Variants in GRM5 observed in about 807,000 individuals in gnomAD.
GRM5 encodes glutamate metabotropic receptor 5, also known as metabotropic glutamate receptor 5.
Under a neutral mutation model 83.1 loss-of-function variants are expected in GRM5, and 19 were observed. The ratio of observed to expected loss-of-function variants is 0.23; its 90% confidence interval spans 0.16 to 0.34. The LOEUF (loss-of-function observed/expected upper bound fraction) is 0.34, where lower values mean the gene tolerates loss of function less well. Among genes scored for constraint, GRM5 ranks in the 10% least tolerant of loss-of-function variants. The pLI, the probability that GRM5 is intolerant of heterozygous loss-of-function variation, is 1.00. For synonymous variants in GRM5, 675 were observed against 633.6 expected, an observed-to-expected ratio of 1.07 and a Z score of -0.98; for missense variants, 1,160 against 1,588.3, an observed-to-expected ratio of 0.73 and a Z score of 4.58.
chr11:88,548,744 A>G (rs1942435964), intron 8 of GRM5, among the ~76,000 whole-genome samples: 1 of 152,228 alleles, frequency 6.6e-6, no homozygotes, highest in African/African-American at 2.4e-5. Flanking sequence ...ATTACTAGGC[A>G]CTAGTGGAGC....
chr11:88,907,039 G>A (rs1428275621), intron 2 of GRM5, among the ~76,000 whole-genome samples: 1 of 151,790 alleles, frequency 6.6e-6, no homozygotes, highest in Non-Finnish European at 1.5e-5. Flanking sequence ...AACAGGGAAA[G>A]AATCCTGGCC....
chr11:88,750,697 AT>A (rs1366111469), intron 3 of GRM5, among the ~76,000 whole-genome samples: 1 of 152,152 alleles, frequency 6.6e-6, no homozygotes, highest in Non-Finnish European at 1.5e-5. Context: ...TCCTCAGTGA[AT>A]GCAAAAGAAC....
intron 1 of GRM5, among the ~76,000 whole-genome samples, chr11:89,054,071 G>A (rs967803727): frequency 1.3e-5 from 2 of 152,108 alleles, no homozygotes; most frequent in African/African-American, 4.8e-5. Context: ...TTCCAACAGC[G>A]GAGGAACACA....
chr11:89,000,516 AAAG>A (rs1482346412), intron 2 of GRM5, among the ~76,000 whole-genome samples: 5 of 152,180 alleles, frequency 3.3e-5, no homozygotes, highest in Non-Finnish European at 7.4e-5. Context: ...GGCAAAGAAA[AAAG>A]AAACGAATCT....
At chr11:88,871,242 T>C (rs182902667) in intron 2 of GRM5, among the ~76,000 whole-genome samples, 284 of 151,628 alleles carry the variant, frequency 1.9e-3, no homozygotes, top group Admixed American at 3.0e-3. Context: ...GCAGAGAGAT[T>C]AAACAACTTA....
chr11:88,653,534 C>T (rs533536519), intron 3 of GRM5, 131 bp from the exon 4 acceptor site: 27 of 591,484 alleles, frequency 4.6e-5, no homozygotes, highest in African/African-American at 3.7e-4. Context: ...TATATTACAC[C>T]GACATGATTA....
chr11:88,664,790 G>T (rs1482736439), intron 3 of GRM5, among the ~76,000 whole-genome samples: 3 of 151,674 alleles, frequency 2.0e-5, no homozygotes, highest in African/African-American at 7.3e-5. Flanking sequence ...AGTAATTTAG[G>T]GATTATTTAA....
chr11:88,808,661 G>A (rs1943539129), intron 3 of GRM5, among the ~76,000 whole-genome samples: 1 of 151,978 alleles, frequency 6.6e-6, no homozygotes, highest in Middle Eastern at 3.4e-3. Flanking sequence ...TGTTATATTG[G>A]AATGTAAAAT....
chr11:88,985,958 T>G, intron 2 of GRM5, among the ~76,000 whole-genome samples: 1 of 152,186 alleles, frequency 6.6e-6, no homozygotes, highest in East Asian at 1.9e-4. Flanking sequence ...TGGCAGTTTC[T>G]TAACAATAAT....
Position 88,731,181 on chromosome 11 carries a change from T to A in GRM5, c.912-77778A>T, listed in dbSNP as rs546922786. ...TCCTTTATGATACACACTTATCATA[T>A]GGACAAGGTTTTCATGACTTCATTC... is the stretch of plus-strand genomic sequence containing the variant. On this transcript the variant is annotated intron_variant, in intron 3 of 9. Coordinates refer to ENST00000305447, the MANE Select transcript of GRM5 (RefSeq NM_001143831.3). Among the ~76,000 whole-genome samples the A allele has an allele frequency of 1.1e-4, 16 of 152,170 alleles. No homozygotes were observed. In the South Asian group the frequency reaches 3.3e-3, roughly 32 times the overall value.
chr11:88,649,526 G>A (rs1006114118), intron 4 of GRM5, among the ~76,000 whole-genome samples: 6 of 143,370 alleles, frequency 4.2e-5, no homozygotes, highest in African/African-American at 1.3e-4. Context: ...TAAAATTCTT[G>A]AAATTTTATT....
chr11:88,864,920 T>C (rs1451754540), intron 2 of GRM5, among the ~76,000 whole-genome samples: 7 of 152,080 alleles, frequency 4.6e-5, no homozygotes. Flanking sequence ...TCTATTGAGA[T>C]AGTCATGTGG....
chr11:88,859,825 T>C (rs1319955698), intron 2 of GRM5, among the ~76,000 whole-genome samples: 1 of 152,184 alleles, frequency 6.6e-6, no homozygotes, highest in Admixed American at 6.6e-5. Flanking sequence ...ATAAGTATTT[T>C]GCTTAATTTC....
chr11:88,536,606 A>G (rs1942140617), intron 8 of GRM5, among the ~76,000 whole-genome samples: 1 of 152,102 alleles, frequency 6.6e-6, no homozygotes, highest in Non-Finnish European at 1.5e-5. Flanking sequence ...TTCTGTTCCC[A>G]TGTTGGTTCC....
chr11:88,991,992 CA>C (rs1939993608), intron 2 of GRM5, among the ~76,000 whole-genome samples: 1 of 152,088 alleles, frequency 6.6e-6, no homozygotes, highest in Non-Finnish European at 1.5e-5. Flanking sequence ...GCAATGGCAA[CA>C]AAAGACAAAA....
intron 2 of GRM5, among the ~76,000 whole-genome samples, chr11:89,040,436 G>T (rs1941502691): frequency 6.6e-6 from 1 of 152,168 alleles, no homozygotes; most frequent in Non-Finnish European, 1.5e-5. Flanking sequence ...AATGTCGGTT[G>T]TCGTAGCTCA....
At chr11:88,521,409 C>G (rs1941686139) in intron 9 of GRM5, among the ~76,000 whole-genome samples, 1 of 152,000 alleles carries the variant, frequency 6.6e-6, no homozygotes, top group South Asian at 2.1e-4. Context: ...ATTGCAGACT[C>G]TGACTGAGAA....
chr11:88,709,380 A>AC (rs1357835559), intron 3 of GRM5, among the ~76,000 whole-genome samples: 1 of 152,082 alleles, frequency 6.6e-6, no homozygotes, highest in East Asian at 1.9e-4. Context: ...AGGGATCTGG[A>AC]CTTTTTTCTG....
chr11:89,035,027 C>A (rs1179477635), intron 2 of GRM5, among the ~76,000 whole-genome samples: 2 of 151,004 alleles, frequency 1.3e-5, no homozygotes, highest in African/African-American at 4.9e-5. Flanking sequence ...GTTTTTGTAT[C>A]CTCTGAGCAA....
Sources: gnomAD v4.1 joint callset for allele counts (sites outside exome capture counted in the v4.1 genomes callset) on GRCh38, gnomAD v4.1.1 for gene constraint, MANE v1.5 for transcripts, NCBI Gene and HGNC (gene_info 2026-07-23, HGNC 2026-07-21) for gene names.